Variants in CPT1A observed in about 807,000 individuals in gnomAD.
The protein encoded by CPT1A is carnitine O-palmitoyltransferase 1, liver isoform.
In CPT1A, 64 loss-of-function variants were observed where a neutral mutation model predicts 100.8. The ratio of observed to expected loss-of-function variants is 0.63; its 90% CI spans 0.52 to 0.78. CPT1A has a LOEUF of 0.78. Ranked by LOEUF, CPT1A falls within the 30% of genes least tolerant of loss-of-function variation. The pLI, the probability that CPT1A is intolerant of heterozygous loss-of-function variation, is 0.00. For synonymous variants in CPT1A, 363 were observed against 396.0 expected, an observed-to-expected ratio of 0.92 and a Z score of 0.99; for missense variants, 802 against 1,034.1, an observed-to-expected ratio of 0.78 and a Z score of 3.08.
At chr11:68,838,584 A>AAAAAAAAAAC (rs1330787128) in intron 1 of CPT1A, among the ~76,000 whole-genome samples, 5 of 147,014 alleles carry the variant, frequency 3.4e-5, no homozygotes, top group African/African-American at 7.5e-5. Context: ...AAAAAAAAAA[A>AAAAAAAAAAC]AAAAAAACAG....
intron 1 of CPT1A, among the ~76,000 whole-genome samples, chr11:68,820,376 T>C (rs746833169): frequency 6.6e-6 from 1 of 152,008 alleles, no homozygotes; most frequent in Non-Finnish European, 1.5e-5. Flanking sequence ...AACCACCATC[T>C]GAAAATATTA....
chr11:68,839,467 C>A, intron 1 of CPT1A: 1 of 974,520 alleles, frequency 1.0e-6, no homozygotes, highest in Non-Finnish European at 1.2e-6. Context: ...CCTGTTCCAC[C>A]CGCCGTGCCC....
intron 16 of CPT1A, among the ~76,000 whole-genome samples, chr11:68,761,074 T>C (rs889624706): frequency 6.6e-6 from 1 of 151,122 alleles, no homozygotes; most frequent in African/African-American, 2.4e-5. Context: ...AAATTTGAGC[T>C]GGGCACAGTG....
chr11:68,838,572 T>TAAAAAAAAAAAGAAAAAAA (rs1857072240), intron 1 of CPT1A, among the ~76,000 whole-genome samples: 1 of 95,514 alleles, frequency 1.0e-5, no homozygotes, highest in Admixed American at 1.3e-4. Context: ...TGCACCTTTT[T>TAAAAAAAAAAAGAAAAAAA]AAAAAAAAAA....
chr11:68,842,429 A>AC (rs532673069), upstream of CPT1A, among the ~76,000 whole-genome samples: 672 of 151,072 alleles, frequency 4.4e-3, 2 homozygotes, highest in Non-Finnish European at 7.5e-3. Context: ...ACGTAGCGAG[A>AC]CCCCGTCTCT....
chr11:68,793,708 T>C (rs891749470), intron 8 of CPT1A, among the ~76,000 whole-genome samples: 2 of 141,624 alleles, frequency 1.4e-5, no homozygotes, highest in African/African-American at 5.4e-5. Context: ...ATCGTGCCAC[T>C]ACACTCCAGC....
chr11:68,837,212 G>T (rs761498759), intron 1 of CPT1A, among the ~76,000 whole-genome samples: 7 of 152,114 alleles, frequency 4.6e-5, no homozygotes, highest in Non-Finnish European at 1.0e-4. Flanking sequence ...ACCATGCCCA[G>T]CTACCTTTTT....
Position 68,754,998 on chromosome 11 carries a change from CAA to C in CPT1A, c.*2644_*2645del. 1.6e-6 allele frequency: 1 copy of C among 629,014 alleles called. No homozygotes were observed. The highest frequency in any genetic ancestry group is 2.6e-5 in the Admixed American group (1 of 38,666). 39.0% of individuals were successfully genotyped at this position (629,014 alleles called of 1,614,324 possible). On this transcript the variant is annotated 3_prime_UTR_variant, in exon 19 of 19. Coordinates refer to ENST00000265641, the MANE Select transcript of CPT1A (RefSeq NM_001876.4). ...ACATGCACCGGTCAGCCCAAGATAA[CAA>C]ATTCAAACCATGGCTGCGTTAAGAC... is the stretch of plus-strand genomic sequence containing the variant.
At chr11:68,758,552 G>A (rs1423746061) in intron 18 of CPT1A, among the ~76,000 whole-genome samples, 3 of 151,394 alleles carry the variant, frequency 2.0e-5, no homozygotes, top group Admixed American at 2.0e-4. Flanking sequence ...GCACTCCAAC[G>A]TTAAGCTTCA....
intron 1 of CPT1A, among the ~76,000 whole-genome samples, chr11:68,828,369 G>A (rs1464922715): frequency 6.6e-6 from 1 of 151,692 alleles, no homozygotes; most frequent in African/African-American, 2.4e-5. Flanking sequence ...TCCAGAATGG[G>A]CCACCTGTCC....
chr11:68,815,546 C>G lies in CPT1A; in HGVS notation c.-13-59G>C, dbSNP rs1856362256. ...AACGTGTGACCAGACACTAAAAAAC[C>G]CTCATACAGAAGTGCCATTCCTTCT... On this transcript the variant is annotated intron_variant, in intron 1 of 18. Coordinates refer to ENST00000265641, the MANE Select transcript of CPT1A (RefSeq NM_001876.4). 3.2e-6 allele frequency: 5 copies of G among 1,545,758 alleles called. No individual in the cohort carries two copies. The Admixed American group carries it at 8.4e-5, about 26-fold the overall frequency.
chr11:68,789,377 C>T (rs574205718), intron 9 of CPT1A, among the ~76,000 whole-genome samples: 48 of 152,054 alleles, frequency 3.2e-4, no homozygotes, highest in African/African-American at 1.1e-3. Flanking sequence ...TGGCATTGCA[C>T]GTGCTCATAT....
intron 5 of CPT1A, among the ~76,000 whole-genome samples, chr11:68,802,690 C>T (rs1287004542): frequency 5.3e-5 from 8 of 151,412 alleles, no homozygotes; most frequent in East Asian, 1.9e-4. Flanking sequence ...GCCAAGATCA[C>T]GCCACTGCAC....
rs776339414 is a variant in CPT1A at position 68,815,376 on chromosome 11, G to A, written c.99C>T (p.Leu33=). 2.5e-6 allele frequency: 4 copies of A among 1,614,196 alleles called. No individual in the cohort carries two copies. The highest frequency in any genetic ancestry group is 2.5e-6 in the Non-Finnish European group (3 of 1,180,042). ...TCTTTTTCCAGGAATGAAGTCCAGA[G>A]AGATAGATTTGTCTAAGAGCTTCAT... The part of the protein sequence containing the change: ...LSHEALRQIY[L]SGLHSWKKKF... Residue 33 remains leucine (L), a synonymous_variant, in exon 2 of 19, where the codon CTC becomes CTT. Coordinates refer to ENST00000265641, the MANE Select transcript of CPT1A (RefSeq NM_001876.4).
chr11:68,842,342 T>C (rs2154003434), upstream of CPT1A, among the ~76,000 whole-genome samples: 1 of 151,600 alleles, frequency 6.6e-6, no homozygotes, highest in South Asian at 2.1e-4. Flanking sequence ...CAGGGAGTGG[T>C]GGGGCGCGCC....
At chr11:68,801,629 G>GAAAA (rs746559700) in intron 5 of CPT1A, among the ~76,000 whole-genome samples, 1 of 125,782 alleles carries the variant, frequency 8.0e-6, no homozygotes, top group Admixed American at 7.9e-5. Context: ...GACTCTGTCT[G>GAAAA]AAAAAAAAAA....
Position 68,781,961 on chromosome 11 carries a change from T to G in CPT1A, c.1164-2A>C. The G allele has an allele frequency of 6.2e-7, 1 of 1,614,100 alleles. No homozygotes were observed. Among genetic ancestry groups the G allele is most frequent in the Non-Finnish European group, 8.5e-7 (1 of 1,179,946 alleles). ...TGACGACACCTGGCCCAGGGAACTC[T>G]GCAGTGAAGATGAAATACGATTAAA... On this transcript the variant is annotated splice_acceptor_variant, in intron 10 of 18. Coordinates refer to ENST00000265641, the MANE Select transcript of CPT1A (RefSeq NM_001876.4). LOFTEE classifies it high-confidence loss of function.
intron 1 of CPT1A, among the ~76,000 whole-genome samples, chr11:68,832,977 G>C (rs1247748068): frequency 6.6e-6 from 1 of 152,230 alleles, no homozygotes; most frequent in East Asian, 1.9e-4. Context: ...CTCTGGCGAA[G>C]GGCAGGGCAG....
At position 68,755,938 on chromosome 11, in the gene CPT1A, A is replaced by AC. The variant is rs1374116518; in HGVS notation, c.*1705dup. The stretch of plus-strand genomic sequence containing the variant: ...AGACCAGCCTGACCAATATGATGAA[A>AC]CCCCGTCTCTACTAAAAATACAAAA... On this transcript the variant is annotated 3_prime_UTR_variant, in exon 19 of 19. Coordinates refer to ENST00000265641, the MANE Select transcript of CPT1A (RefSeq NM_001876.4). 4.0e-5 allele frequency: 6 copies of AC among 149,284 alleles called. No individual in the cohort carries two copies. Among genetic ancestry groups the AC allele is most frequent in the African/African-American group, 9.9e-5 (4 of 40,496 alleles). 9.2% of individuals were successfully genotyped at this position (149,284 alleles called of 1,614,324 possible).
Sources: allele counts gnomAD v4.1 joint callset (sites outside exome capture counted in the v4.1 genomes callset), GRCh38; gene constraint gnomAD v4.1.1; transcripts MANE v1.5; gene names NCBI Gene and HGNC (gene_info 2026-07-23, HGNC 2026-07-21).